SCAMP1: variants seen among roughly 807,000 people sequenced by gnomAD.
The protein encoded by SCAMP1 is secretory carrier-associated membrane protein 1.
SCAMP1 carries 15 observed loss-of-function variants against 41.8 expected under a neutral mutation model. The ratio of observed to expected loss-of-function variants is 0.36; its 90% confidence interval spans 0.24 to 0.55. The LOEUF (loss-of-function observed/expected upper bound fraction) is 0.55. SCAMP1 is among the 20% of genes least tolerant of loss of function. The pLI is 0.86. For missense variants in SCAMP1, 341 were observed against 412.6 expected, an observed-to-expected ratio of 0.83 and a Z score of 1.50; for synonymous variants, 135 against 136.8, an observed-to-expected ratio of 0.99 and a Z score of 0.09.
intron 6 of SCAMP1, among the ~76,000 whole-genome samples, chr5:78,436,016 A>G (rs1752743984): frequency 6.6e-6 from 1 of 152,106 alleles, no homozygotes; most frequent in South Asian, 2.1e-4. Context: ...TGGCTGCATA[A>G]ATGTCTTCTT....
chr5:78,408,261 G>C (rs6453385), intron 2 of SCAMP1, among the ~76,000 whole-genome samples: 143,921 of 152,190 alleles, frequency 0.95, 68,257 homozygotes, highest in Non-Finnish European at 0.97. Flanking sequence ...TGTAGGGGAA[G>C]TCCCCTTTAT....
chr5:78,467,843 A>AT (rs1226678168), intron 8 of SCAMP1, among the ~76,000 whole-genome samples: 2 of 152,106 alleles, frequency 1.3e-5, no homozygotes, highest in African/African-American at 4.8e-5. Context: ...TAAAAACCTA[A>AT]TTTTTCCTTT....
intron 8 of SCAMP1, among the ~76,000 whole-genome samples, chr5:78,465,862 C>T (rs1297413583): frequency 6.6e-6 from 1 of 152,224 alleles, no homozygotes; most frequent in African/African-American, 2.4e-5. Flanking sequence ...CTCAGAGGAA[C>T]TCCAGTTGTG....
At chr5:78,444,615 C>G (rs1753010288) in intron 6 of SCAMP1, among the ~76,000 whole-genome samples, 3 of 152,176 alleles carry the variant, frequency 2.0e-5, no homozygotes, top group South Asian at 2.1e-4. Context: ...TGTACACCAT[C>G]AATAATTTCT....
intron 2 of SCAMP1, among the ~76,000 whole-genome samples, chr5:78,399,978 C>T (rs1000861714): frequency 6.6e-6 from 1 of 152,086 alleles, no homozygotes; most frequent in Non-Finnish European, 1.5e-5. Flanking sequence ...ATTTTAGTGA[C>T]AGGGTTTTGC....
chr5:78,368,517 T>C (rs1250992535), intron 1 of SCAMP1, among the ~76,000 whole-genome samples: 2 of 152,244 alleles, frequency 1.3e-5, no homozygotes, highest in African/African-American at 2.4e-5. Flanking sequence ...TGTGATATAG[T>C]TGCTGAAAAA....
intron 2 of SCAMP1, among the ~76,000 whole-genome samples, chr5:78,399,956 ATTTG>A (rs1228590377): frequency 6.6e-6 from 1 of 152,034 alleles, no homozygotes; most frequent in Non-Finnish European, 1.5e-5. Context: ...ATTTTTAAAT[ATTTG>A]TTTGTTTATT....
chr5:78,469,890 TAAAAAAAAAAA>T (rs141989832), intron 8 of SCAMP1, among the ~76,000 whole-genome samples: 11 of 15,026 alleles, frequency 7.3e-4, no homozygotes, highest in Admixed American at 1.1e-3. Flanking sequence ...TACAAGACAT[TAAAAAAAAAAA>T]AAAAAAAAAA....
intron 6 of SCAMP1, among the ~76,000 whole-genome samples, chr5:78,427,505 C>A (rs1456071722): frequency 1.3e-5 from 2 of 152,096 alleles, no homozygotes; most frequent in African/African-American, 4.8e-5. Context: ...GCCATATATT[C>A]ATTTCTCTTG....
intron 6 of SCAMP1, among the ~76,000 whole-genome samples, chr5:78,437,941 G>A (rs1430171513): frequency 6.6e-6 from 1 of 152,116 alleles, no homozygotes. Flanking sequence ...GTTTAGTCTT[G>A]GGAGGGTGTA....
chr5:78,437,699 G>C (rs1250848802), intron 6 of SCAMP1, among the ~76,000 whole-genome samples: 1 of 152,190 alleles, frequency 6.6e-6, no homozygotes, highest in Non-Finnish European at 1.5e-5. Flanking sequence ...TCTCTGCCAG[G>C]CTTTGGTGTC....
At chr5:78,450,586 G>C (rs1753199839) in intron 7 of SCAMP1, among the ~76,000 whole-genome samples, 1 of 152,174 alleles carries the variant, frequency 6.6e-6, no homozygotes, top group Non-Finnish European at 1.5e-5. Flanking sequence ...ACCCAGGCTA[G>C]GAGGTAATAG....
At chr5:78,439,584 G>C (rs1346219692) in intron 6 of SCAMP1, among the ~76,000 whole-genome samples, 1 of 152,170 alleles carries the variant, frequency 6.6e-6, no homozygotes, top group Non-Finnish European at 1.5e-5. Flanking sequence ...CGAGAGATCT[G>C]CTGTTAGTCT....
chr5:78,474,816 TTTAA>T (rs1208933432), intron 8 of SCAMP1, among the ~76,000 whole-genome samples: 2 of 152,204 alleles, frequency 1.3e-5, no homozygotes, highest in Non-Finnish European at 2.9e-5. Flanking sequence ...GGACTCATAG[TTTAA>T]TTATGCAGGT....
rs1376701607 is a variant in SCAMP1 at position 78,479,926 on chromosome 5, G to C, written c.*4258G>C. Among the ~76,000 whole-genome samples, 2 of 152,006 alleles carry C rather than the reference G, an allele frequency of 1.3e-5. No individual in the cohort carries two copies. The highest frequency in any genetic ancestry group is 6.6e-5 in the Admixed American group (1 of 15,262). ...CTGAGCATGGTGGCGGGCGCCTGTA[G>C]TCCCAGCTACTTGGGAGGCTGAGGC... is the stretch of plus-strand genomic sequence containing the variant. On this transcript the variant is annotated 3_prime_UTR_variant, in exon 9 of 9. Transcript: ENST00000621999.
chr5:78,374,527 C>T (rs1751018620), intron 1 of SCAMP1, among the ~76,000 whole-genome samples: 1 of 152,116 alleles, frequency 6.6e-6, no homozygotes. Context: ...CCAGACCTCT[C>T]AATGTCATTT....
At chr5:78,454,761 C>A (rs1161298963) in intron 7 of SCAMP1, among the ~76,000 whole-genome samples, 1 of 152,158 alleles carries the variant, frequency 6.6e-6, no homozygotes, top group East Asian at 1.9e-4. Context: ...AGGAATGGTA[C>A]CAGTTCCTCC....
chr5:78,454,917 T>G (rs1321447398), intron 7 of SCAMP1, among the ~76,000 whole-genome samples: 1 of 151,950 alleles, frequency 6.6e-6, no homozygotes, highest in African/African-American at 2.4e-5. Context: ...CTTGGGAGAG[T>G]GTATGTGTCG....
In SCAMP1 at chr5:78,476,548, T is replaced by C; in HGVS notation, c.*880T>C. ...TATATGAAAACTTTGGTATATTCTG[T>C]GGTTACAACTAAGATTGTGTCTGGC... On this transcript the variant is annotated 3_prime_UTR_variant, in exon 9 of 9. Transcript: ENST00000621999. 1 of 152,562 alleles carries C rather than the reference T, an allele frequency of 6.6e-6. No individual in the cohort carries two copies. The highest frequency in any genetic ancestry group is 1.9e-4 in the East Asian group (1 of 5,196). The allele number at this position is 152,562 out of a possible 1,614,324, so 9.5% of individuals were successfully genotyped here.
Sources: allele counts gnomAD v4.1 joint callset (sites outside exome capture counted in the v4.1 genomes callset), GRCh38; gene constraint gnomAD v4.1.1; transcripts MANE v1.5; gene names NCBI Gene and HGNC (gene_info 2026-07-23, HGNC 2026-07-21).